Variants in ARHGEF38 observed in about 807,000 individuals in gnomAD.
The protein encoded by ARHGEF38 is Rho guanine nucleotide exchange factor (GEF) 38.
ARHGEF38 carries 79 observed loss-of-function variants against 79.9 expected under a neutral mutation model. The observed-to-expected ratio is 0.99, with a 90% CI of 0.82 to 1.19. ARHGEF38 has a LOEUF of 1.19. ARHGEF38 is among the 50% of genes most tolerant of loss of function. The probability of loss-of-function intolerance (pLI) is 0.00; values close to 1 mark genes in which losing one functional copy is unlikely to be tolerated. For missense variants in ARHGEF38, 962 were observed against 907.2 expected, an observed-to-expected ratio of 1.06 and a Z score of -0.78; for synonymous variants, 366 against 328.3, an observed-to-expected ratio of 1.11 and a Z score of -1.24.
At chr4:105,603,895 C>T (rs1727928290) in intron 2 of ARHGEF38, among the ~76,000 whole-genome samples, 1 of 152,190 alleles carries the variant, frequency 6.6e-6, no homozygotes, top group South Asian at 2.1e-4. Context: ...CTGCATATGG[C>T]AAACCATCTC....
intron 6 of ARHGEF38, among the ~76,000 whole-genome samples, chr4:105,647,025 C>T (rs532368414): frequency 6.6e-6 from 1 of 152,152 alleles, no homozygotes; most frequent in African/African-American, 2.4e-5. Context: ...ACATGGAGAT[C>T]AGGGTGCCTC....
intron 3 of ARHGEF38, among the ~76,000 whole-genome samples, chr4:105,624,385 T>C (rs1560728995): frequency 6.6e-6 from 1 of 152,206 alleles, no homozygotes; most frequent in Admixed American, 6.5e-5. Flanking sequence ...TCTACTCTTC[T>C]AGGAAACCAG....
intron 2 of ARHGEF38, among the ~76,000 whole-genome samples, chr4:105,610,507 A>G (rs867911741): frequency 9.9e-5 from 15 of 152,206 alleles, no homozygotes; most frequent in Admixed American, 2.6e-4. Flanking sequence ...ACCTGTTTCC[A>G]GTGAATGATT....
chr4:105,619,364 C>T (rs1288133163), intron 3 of ARHGEF38, among the ~76,000 whole-genome samples: 3 of 151,940 alleles, frequency 2.0e-5, no homozygotes, highest in African/African-American at 7.2e-5. Flanking sequence ...GCCAGCTGGC[C>T]CCCAGCCAGT....
intron 1 of ARHGEF38, among the ~76,000 whole-genome samples, chr4:105,581,409 C>A (rs1048849339): frequency 5.9e-5 from 9 of 152,142 alleles, no homozygotes; most frequent in African/African-American, 2.2e-4. Context: ...CTCTAGACCT[C>A]CTAGTAAACA....
At chr4:105,575,298 T>TTACATC (rs1274720364) in intron 1 of ARHGEF38, among the ~76,000 whole-genome samples, 1 of 152,132 alleles carries the variant, frequency 6.6e-6, no homozygotes, top group Non-Finnish European at 1.5e-5. Context: ...TCTCCTTTCA[T>TTACATC]TACATCTACA....
intron 1 of ARHGEF38, among the ~76,000 whole-genome samples, chr4:105,583,215 G>A (rs528018822): frequency 6.6e-6 from 1 of 152,070 alleles, no homozygotes; most frequent in South Asian, 2.1e-4. Flanking sequence ...TATTTTAATG[G>A]TTGGCCTTGA....
intron 1 of ARHGEF38, among the ~76,000 whole-genome samples, chr4:105,578,913 A>T (rs1172975090): frequency 6.6e-6 from 1 of 152,074 alleles, no homozygotes; most frequent in Non-Finnish European, 1.5e-5. Flanking sequence ...TAACATTGAG[A>T]TGTGAGGTAT....
chr4:105,562,429 T>C (rs1032167074), intron 1 of ARHGEF38, among the ~76,000 whole-genome samples: 1 of 152,232 alleles, frequency 6.6e-6, no homozygotes, highest in Admixed American at 6.5e-5. Context: ...TATGACATAC[T>C]TGCTTTTACA....
chr4:105,679,812 G>A lies in ARHGEF38; in HGVS notation c.*1875G>A. ...CCAGCTTTACCCACGCATCCAGAGA[G>A]ATGGATATAGGACTCAATATCCTGA... On this transcript the variant is annotated 3_prime_UTR_variant, in exon 14 of 14. Transcript: ENST00000420470. 8.5e-7 allele frequency: 1 copy of A among 1,181,428 alleles called. No homozygotes were observed. Among genetic ancestry groups the A allele is most frequent in the Non-Finnish European group, 1.3e-6 (1 of 792,308 alleles). 73.2% of individuals were successfully genotyped at this position (1,181,428 alleles called of 1,614,324 possible).
At chr4:105,646,688 C>T (rs1729855605) in intron 6 of ARHGEF38, among the ~76,000 whole-genome samples, 1 of 152,030 alleles carries the variant, frequency 6.6e-6, no homozygotes, top group Non-Finnish European at 1.5e-5. Flanking sequence ...TAGCATTGTT[C>T]ATAAATGCAA....
intron 3 of ARHGEF38, among the ~76,000 whole-genome samples, chr4:105,613,813 C>A (rs927282954): frequency 6.6e-6 from 1 of 151,958 alleles, no homozygotes; most frequent in African/African-American, 2.4e-5. Flanking sequence ...TTACTTGATC[C>A]TTAAAGAATT....
intron 5 of ARHGEF38, among the ~76,000 whole-genome samples, chr4:105,644,391 C>T (rs573450054): frequency 6.6e-6 from 1 of 152,234 alleles, no homozygotes; most frequent in East Asian, 1.9e-4. Flanking sequence ...AAATCACTGC[C>T]TTCTGTCTGA....
intron 1 of ARHGEF38, among the ~76,000 whole-genome samples, chr4:105,570,668 T>A (rs984512699): frequency 6.6e-6 from 1 of 152,182 alleles, no homozygotes; most frequent in Non-Finnish European, 1.5e-5. Flanking sequence ...CTTGTAACCA[T>A]CCTTATGATT....
chr4:105,557,370 A>C (rs916051576), intron 1 of ARHGEF38, among the ~76,000 whole-genome samples: 10 of 152,252 alleles, frequency 6.6e-5, no homozygotes, highest in Admixed American at 6.5e-4. Context: ...GAACAAAAAG[A>C]ACAAAAGTTT....
chr4:105,668,503 A>G (rs1288564406), intron 13 of ARHGEF38, among the ~76,000 whole-genome samples: 2 of 152,186 alleles, frequency 1.3e-5, no homozygotes, highest in Non-Finnish European at 2.9e-5. Flanking sequence ...ATAGTGCAGG[A>G]CTTGTTTTTG....
intron 13 of ARHGEF38, among the ~76,000 whole-genome samples, chr4:105,673,433 T>C (rs1318146071): frequency 6.6e-6 from 1 of 152,176 alleles, no homozygotes; most frequent in Non-Finnish European, 1.5e-5. Context: ...ATTTTTGACT[T>C]CTAAAAAAAG....
At chr4:105,598,566 ACTAT>A (rs1049206654) in intron 2 of ARHGEF38, among the ~76,000 whole-genome samples, 1 of 152,202 alleles carries the variant, frequency 6.6e-6, no homozygotes, top group African/African-American at 2.4e-5. Flanking sequence ...GTCTGCTTTA[ACTAT>A]CAATACAAAT....
intron 4 of ARHGEF38, chr4:105,631,541 GC>G: frequency 1.0e-6 from 1 of 985,440 alleles, no homozygotes; most frequent in Non-Finnish European, 1.2e-6. Context: ...AATTACTCAT[GC>G]CTTCCTTTCT....
Sources: gnomAD v4.1 joint callset for allele counts (sites outside exome capture counted in the v4.1 genomes callset) on GRCh38, gnomAD v4.1.1 for gene constraint, MANE v1.5 for transcripts, NCBI Gene and HGNC (gene_info 2026-07-23, HGNC 2026-07-21) for gene names.